Variants in TJP1 observed in about 807,000 individuals in gnomAD.
TJP1 encodes the protein tight junction protein ZO-1.
Under a neutral mutation model 194.2 loss-of-function variants are expected in TJP1, and 43 were observed. The ratio of observed to expected loss-of-function variants is 0.22; its 90% CI spans 0.17 to 0.29. The LOEUF (loss-of-function observed/expected upper bound fraction) is 0.29. Among genes scored for constraint, TJP1 ranks in the 10% least tolerant of loss-of-function variants. The pLI is 1.00. For synonymous variants in TJP1, 801 were observed against 779.0 expected (o/e 1.03, Z -0.47); for missense variants, 1,971 against 2,185.7 (o/e 0.90, Z 1.96).
At chr15:29,708,190 T>C (rs574643639) in intron 25 of TJP1, among the ~76,000 whole-genome samples, 16 of 144,982 alleles carry the variant, frequency 1.1e-4, no homozygotes, top group African/African-American at 4.2e-4. Context: ...AGGGAGACTC[T>C]TGTCTCAAAA....
chr15:29,872,251 T>C (rs1246711313), intron 2 of TJP1, among the ~76,000 whole-genome samples: 1 of 152,206 alleles, frequency 6.6e-6, no homozygotes, highest in Non-Finnish European at 1.5e-5. Flanking sequence ...TAAGCATACA[T>C]GTGCAAATAA....
rs71416442 is a variant in TJP1 at position 29,953,140 on chromosome 15, A to ATTT, written c.306+3089_306+3091dup. ...TTCCTTCTTTCATAAAAGAAGACAG[A>ATTT]TTTTTTTTTTTTTTTTTTTGCAACG... On this transcript the variant is annotated intron_variant, in intron 2 of 28. Transcript: ENST00000356107. Among the ~76,000 whole-genome samples the ATTT allele has an allele frequency of 5.3e-4, 59 of 110,996 alleles. 3 individuals are homozygous for ATTT. Among genetic ancestry groups the ATTT allele is most frequent in the African/African-American group, 1.4e-3 (44 of 31,214 alleles). 72.8% of individuals were successfully genotyped at this position (110,996 alleles called of 152,430 possible).
intron 15 of TJP1, 162 bp downstream of exon 15, chr15:29,732,271 G>A: frequency 1.6e-6 from 1 of 626,668 alleles, no homozygotes; most frequent in East Asian, 2.7e-5. Context: ...GTGGAACAAG[G>A]ACATGGTCAC....
At chr15:29,833,874 TATATA>T (rs1434237811) in intron 2 of TJP1, among the ~76,000 whole-genome samples, 10 of 22,758 alleles carry the variant, frequency 4.4e-4, no homozygotes, top group African/African-American at 1.4e-3. Flanking sequence ...TATATATATA[TATATA>T]TATTTTTTTT....
intron 2 of TJP1, among the ~76,000 whole-genome samples, chr15:29,939,595 A>C (rs1291978700): frequency 6.6e-6 from 1 of 152,182 alleles, no homozygotes; most frequent in Non-Finnish European, 1.5e-5. Context: ...GCAAGGAAAA[A>C]TACCACCCAG....
chr15:29,904,489 A>T (rs1459612167), intron 2 of TJP1, among the ~76,000 whole-genome samples: 1 of 152,058 alleles, frequency 6.6e-6, no homozygotes, highest in Non-Finnish European at 1.5e-5. Flanking sequence ...TAAACTACAG[A>T]TTGTTCCAGT....
chr15:29,942,406 C>T (rs1355924782), intron 2 of TJP1, among the ~76,000 whole-genome samples: 8 of 152,166 alleles, frequency 5.3e-5, no homozygotes, highest in Non-Finnish European at 1.2e-4. Context: ...GTACTTACAA[C>T]CATTTTTTAA....
At chr15:29,708,095 C>CT (rs957875311) in intron 25 of TJP1, among the ~76,000 whole-genome samples, 5 of 151,366 alleles carry the variant, frequency 3.3e-5, no homozygotes, top group Admixed American at 2.6e-4. Flanking sequence ...ACTTAGGAGG[C>CT]TGAGGCAGGA....
intron 2 of TJP1, among the ~76,000 whole-genome samples, chr15:29,955,753 TAAAA>T (rs563535771): frequency 8.9e-4 from 32 of 35,814 alleles, no homozygotes; most frequent in South Asian, 2.6e-3. Context: ...CCTGGCTCTT[TAAAA>T]AAAAAAAAAA....
At chr15:29,873,595 T>C (rs1422658745) in intron 2 of TJP1, among the ~76,000 whole-genome samples, 7 of 152,236 alleles carry the variant, frequency 4.6e-5, no homozygotes, top group Non-Finnish European at 7.3e-5. Context: ...ATTTTTGCTA[T>C]GCTTTATATT....
At chr15:29,779,207 T>G (rs1555413716) in intron 2 of TJP1, among the ~76,000 whole-genome samples, 1 of 152,176 alleles carries the variant, frequency 6.6e-6, no homozygotes, top group Non-Finnish European at 1.5e-5. Flanking sequence ...TGGGCCTGCA[T>G]GAATGCCCAA....
At chr15:29,766,234 T>TG in intron 5 of TJP1, 32 bp downstream of exon 5, 1 of 1,584,342 alleles carries the variant, frequency 6.3e-7, no homozygotes, top group Non-Finnish European at 8.6e-7. Context: ...AATTTTCATG[T>TG]GAAAAAAACA....
intron 2 of TJP1, among the ~76,000 whole-genome samples, chr15:29,786,032 C>T (rs2047677559): frequency 6.6e-6 from 1 of 152,166 alleles, no homozygotes; most frequent in South Asian, 2.1e-4. Flanking sequence ...AAGGCCTTTT[C>T]AAAATTAGTT....
rs141738498 is a variant in TJP1, at chr15:29,818,491, A to G, written c.27+3511T>C. Among the ~76,000 whole-genome samples the G allele has an allele frequency of 3.3e-4, 50 of 152,292 alleles. 1 individual carries two copies. The highest frequency in any genetic ancestry group is 2.9e-3 in the East Asian group (15 of 5,174). ...GAACGCAGACGTTTATCACACATATAAAAAACGTTTTTTTCCTTTATTTAT... is the reference window on the plus strand; with the variant it reads ...GAACGCAGACGTTTATCACACATATGAAAAACGTTTTTTTCCTTTATTTAT... On this transcript the variant is annotated intron_variant, in intron 1 of 27. Transcript: ENST00000614355.
chr15:29,764,594 A>G (rs925011217), intron 5 of TJP1, among the ~76,000 whole-genome samples: 8 of 152,120 alleles, frequency 5.3e-5, no homozygotes, highest in Non-Finnish European at 8.8e-5. Flanking sequence ...AGTGGGATGG[A>G]TAAGAGTGGT....
chr15:29,813,798 G>A (rs2049705072), intron 1 of TJP1, among the ~76,000 whole-genome samples: 1 of 152,170 alleles, frequency 6.6e-6, no homozygotes, highest in Non-Finnish European at 1.5e-5. Context: ...CCATTAAAAT[G>A]CCCTATCAGT....
intron 2 of TJP1, among the ~76,000 whole-genome samples, chr15:29,840,767 A>G (rs2051196867): frequency 6.6e-6 from 1 of 152,190 alleles, no homozygotes; most frequent in South Asian, 2.1e-4. Context: ...GCCACTCACT[A>G]TGCCAGGTGT....
Position 29,822,308 on chromosome 15 carries a change from G to A in TJP1, c.-280C>T. The A allele has an allele frequency of 9.0e-7, 1 of 1,112,294 alleles. No individual in the cohort carries two copies. The highest frequency in any genetic ancestry group is 1.1e-6 in the Non-Finnish European group (1 of 911,024). 68.9% of individuals were successfully genotyped at this position (1,112,294 alleles called of 1,614,324 possible). A position where few individuals can be genotyped will look rare whatever the true frequency, so the allele number is the denominator to read the frequency against. ...CGGCCTCCCGCAGCTTTCGCAGCCC[G>A]GCCACGTCGGCCTCGCCCGGTCGCC... On this transcript the variant is annotated 5_prime_UTR_variant, in exon 1 of 28. Transcript: ENST00000614355.
chr15:29,738,014 T>G (rs1178248739), intron 10 of TJP1, among the ~76,000 whole-genome samples: 3 of 152,156 alleles, frequency 2.0e-5, no homozygotes, highest in African/African-American at 7.2e-5. Flanking sequence ...TCATTCAGCC[T>G]TTCTACATTA....
Sources: gnomAD v4.1 joint callset for allele counts (sites outside exome capture counted in the v4.1 genomes callset) on GRCh38, gnomAD v4.1.1 for gene constraint, MANE v1.5 for transcripts, NCBI Gene and HGNC (gene_info 2026-07-23, HGNC 2026-07-21) for gene names.